The following RILPL2 variants were observed in gnomAD, a reference collection of about 807,000 sequenced individuals.
RILPL2 encodes the protein RILP-like protein 2.
RILPL2 carries 19 observed loss-of-function variants against 22.2 expected under a neutral mutation model. The ratio of observed to expected loss-of-function variants is 0.86; its 90% CI spans 0.60 to 1.25. The LOEUF (loss-of-function observed/expected upper bound fraction) is 1.25, where lower values mean the gene tolerates loss of function less well. Among genes scored for constraint, RILPL2 ranks in the 50% most tolerant of loss-of-function variants. The probability of loss-of-function intolerance (pLI) is 0.00; values close to 1 mark genes in which losing one functional copy is unlikely to be tolerated. For synonymous variants in RILPL2, 123 were observed against 111.6 expected, an observed-to-expected ratio of 1.10 and a Z score of -0.64; for missense variants, 243 against 263.6, an observed-to-expected ratio of 0.92 and a Z score of 0.54.
intron 3 of RILPL2, among the ~76,000 whole-genome samples, chr12:123,417,641 A>G (rs974398815): frequency 3.9e-5 from 6 of 152,064 alleles, no homozygotes; most frequent in African/African-American, 1.2e-4. Flanking sequence ...CTCAAGTGCA[A>G]TGGCACGATC....
At chr12:123,420,914 C>T (rs1879265119) in intron 3 of RILPL2, among the ~76,000 whole-genome samples, 1 of 152,174 alleles carries the variant, frequency 6.6e-6, no homozygotes, top group South Asian at 2.1e-4. Flanking sequence ...GCTGTGTAAC[C>T]TTTGCAGGTC....
At chr12:123,414,970 C>T (rs1192259254), downstream of RILPL2, 3 of 150,014 alleles carry the variant, frequency 2.0e-5, no homozygotes, top group Middle Eastern at 3.4e-3. Flanking sequence ...ACTGGTGCAC[C>T]GGTACCGGTC....
At chr12:123,434,138 G>C (rs1185229198) in intron 1 of RILPL2, among the ~76,000 whole-genome samples, 1 of 152,046 alleles carries the variant, frequency 6.6e-6, no homozygotes, top group African/African-American at 2.4e-5. Context: ...TAAAAACTAG[G>C]CTGGGCATGG....
intron 3 of RILPL2, among the ~76,000 whole-genome samples, chr12:123,421,059 T>C (rs577224851): frequency 1.1e-3 from 160 of 151,894 alleles, no homozygotes; most frequent in African/African-American, 3.7e-3. Context: ...TTTTTTTTTT[T>C]TGAGACAGGG....
intron 1 of RILPL2, among the ~76,000 whole-genome samples, chr12:123,431,086 C>T (rs750558083): frequency 1.3e-5 from 2 of 152,118 alleles, no homozygotes; most frequent in Non-Finnish European, 2.9e-5. Context: ...TCATGTGATC[C>T]GCCTGCCTCA....
intron 1 of RILPL2, among the ~76,000 whole-genome samples, chr12:123,435,760 T>C (rs537957551): frequency 4.6e-5 from 7 of 152,190 alleles, no homozygotes; most frequent in African/African-American, 1.4e-4. Context: ...AAAGTGTTTC[T>C]TGCTCTAGGT....
At chr12:123,430,381 C>G (rs1030764199) in intron 2 of RILPL2, 127 bp downstream of exon 2, 112 of 902,664 alleles carry the variant, frequency 1.2e-4, no homozygotes, top group Middle Eastern at 4.4e-4. Flanking sequence ...TGCACTCCAG[C>G]CTGGGCGACA....
intron 2 of RILPL2, among the ~76,000 whole-genome samples, chr12:123,428,990 C>A (rs1245798855): frequency 1.3e-5 from 2 of 151,978 alleles, no homozygotes; most frequent in Admixed American, 1.3e-4. Context: ...GCCCCCTTTT[C>A]AAAAAATACC....
intron 1 of RILPL2, among the ~76,000 whole-genome samples, chr12:123,430,991 G>A (rs1259915999): frequency 4.6e-5 from 7 of 152,230 alleles, no homozygotes; most frequent in South Asian, 2.1e-4. Flanking sequence ...GAGCCACCGC[G>A]CCCGGCCTAC....
downstream of RILPL2, chr12:123,410,685 G>A (rs1460695709): frequency 6.6e-6 from 1 of 150,730 alleles, no homozygotes; most frequent in Non-Finnish European, 1.5e-5. Context: ...CTTGTACAGG[G>A]TGATTGTGAG....
In RILPL2 at chr12:123,436,049, C is replaced by T. The variant is rs748485600; in HGVS notation, c.339+33G>A. 1.9e-6 allele frequency: 3 copies of T among 1,545,626 alleles called. No individual in the cohort carries two copies. Among genetic ancestry groups the T allele is most frequent in the Non-Finnish European group, 2.6e-6 (3 of 1,142,382 alleles). ...GGTGCCCTCCTACGCCCCGCAGGCG[C>T]CGTGGGCCCGGAACCCTCGCTCCCA... On this transcript the variant is annotated intron_variant, in intron 1 of 3. Coordinates refer to ENST00000280571, the MANE Select transcript of RILPL2 (RefSeq NM_145058.3). This position sits in a 1 kb window ranked among gnomAD's most constrained non-coding sequence, Gnocchi z 6.7.
In RILPL2 at chr12:123,422,929, A is replaced by T. The variant is rs184324664; in HGVS notation, c.605+115T>A. 9.6e-5 allele frequency: 68 copies of T among 710,982 alleles called. 1 individual carries two copies. The highest frequency in any genetic ancestry group is 5.5e-4 in the Admixed American group (22 of 40,356). The allele number at this position is 710,982 out of a possible 1,614,324, so 44.0% of individuals were successfully genotyped here. A position where few individuals can be genotyped will look rare whatever the true frequency, so the allele number is the denominator to read the frequency against. On this transcript the variant is annotated intron_variant, in intron 3 of 3. Transcript: ENST00000280571. ...TTTTCCCATGGGCTGCAGCACCACA[A>T]CCGGGAGAGTAGAGGCCCTCCCTGC...
intron 3 of RILPL2, among the ~76,000 whole-genome samples, chr12:123,421,793 G>A (rs1182651499): frequency 6.8e-6 from 1 of 147,718 alleles, no homozygotes; most frequent in African/African-American, 2.5e-5. Flanking sequence ...TCAGCCTCCC[G>A]AATAGGTGGG....
intron 2 of RILPL2, among the ~76,000 whole-genome samples, chr12:123,424,806 C>A (rs1167952728): frequency 6.6e-6 from 1 of 151,936 alleles, no homozygotes; most frequent in Non-Finnish European, 1.5e-5. Flanking sequence ...GTAAATTTAC[C>A]CCCATGGTGT....
intron 3 of RILPL2, among the ~76,000 whole-genome samples, chr12:123,421,378 T>TTTCCCC (rs1223886923): frequency 1.2e-4 from 19 of 152,208 alleles, no homozygotes; most frequent in Middle Eastern, 3.4e-3. Context: ...TATCTTTCCC[T>TTTCCCC]TTCCCCAGTC....
chr12:123,431,946 GT>G (rs1473078301), intron 1 of RILPL2, among the ~76,000 whole-genome samples: 3 of 151,478 alleles, frequency 2.0e-5, no homozygotes, highest in East Asian at 1.9e-4. Flanking sequence ...CCAGGCTGGA[GT>G]GCGGTGGCAT....
the RILPL2 span, among the ~76,000 whole-genome samples, chr12:123,409,527 T>A: frequency 1.9e-3 from 291 of 151,250 alleles, 3 homozygotes; most frequent in African/African-American, 6.8e-3. Context: ...GACCATAGGG[T>A]ATGTGAAGAT....
chr12:123,427,732 A>G (rs985966670), intron 2 of RILPL2, among the ~76,000 whole-genome samples: 1 of 152,134 alleles, frequency 6.6e-6, no homozygotes, highest in Non-Finnish European at 1.5e-5. Flanking sequence ...TTTAATAGAG[A>G]CGGAGTTTCA....
intron 2 of RILPL2, among the ~76,000 whole-genome samples, chr12:123,429,635 C>A (rs1879556520): frequency 6.7e-6 from 1 of 148,332 alleles, no homozygotes; most frequent in African/African-American, 2.5e-5. Context: ...GAGACACAGT[C>A]TTGCTCTGTC....
Sources: allele counts gnomAD v4.1 joint callset (sites outside exome capture counted in the v4.1 genomes callset), GRCh38; gene constraint gnomAD v4.1.1; non-coding constraint Gnocchi (gnomAD v3.1); transcripts MANE v1.5; gene names NCBI Gene and HGNC (gene_info 2026-07-23, HGNC 2026-07-21).